Variants in UACA observed in about 807,000 individuals in gnomAD.
The protein encoded by UACA is nuclear membrane binding protein.
In UACA, 112 loss-of-function variants were observed where a neutral mutation model predicts 160.5. That is an observed-to-expected ratio of 0.70 (90% CI 0.60 to 0.82). The LOEUF (loss-of-function observed/expected upper bound fraction) is 0.82, where lower values mean the gene tolerates loss of function less well. UACA is among the 40% of genes least tolerant of loss of function. UACA has a pLI of 0.00. For synonymous variants in UACA, 557 were observed against 568.4 expected (o/e 0.98, Z 0.29); for missense variants, 1,574 against 1,614.6 (o/e 0.97, Z 0.43).
Position 70,676,218 on chromosome 15 carries a change from A to G in UACA, c.1131+275T>C, listed in dbSNP as rs116053902. 1.4e-3 allele frequency: 360 copies of G among 249,402 alleles called. 1 individual carries two copies. Among genetic ancestry groups the G allele is most frequent in the African/African-American group, 7.5e-3 (340 of 45,428 alleles). 15.4% of individuals were successfully genotyped at this position (249,402 alleles called of 1,614,324 possible). A position where few individuals can be genotyped will look rare whatever the true frequency, so the allele number is the denominator to read the frequency against. ...TACAGGTAGAAATATGATGTTTTAA[A>G]AAGGTAAGGATGGACAATGAAGAGA... On this transcript the variant is annotated intron_variant, in intron 13 of 18. Coordinates refer to ENST00000322954, the MANE Select transcript of UACA (RefSeq NM_018003.4).
At chr15:70,746,993 G>A (rs1027852622) in intron 1 of UACA, among the ~76,000 whole-genome samples, 5 of 152,108 alleles carry the variant, frequency 3.3e-5, no homozygotes, top group African/African-American at 1.2e-4. Context: ...GGGGGTGGCA[G>A]GCAAGGGGAA....
At chr15:70,773,789 A>AT in the UACA span, among the ~76,000 whole-genome samples, 1 of 152,290 alleles carries the variant, frequency 6.6e-6, no homozygotes, top group East Asian at 1.9e-4. Flanking sequence ...AATAGCCAAT[A>AT]TTTTTCAGTC....
At chr15:70,745,153 C>A (rs1899663020) in intron 1 of UACA, among the ~76,000 whole-genome samples, 1 of 152,076 alleles carries the variant, frequency 6.6e-6, no homozygotes, top group Non-Finnish European at 1.5e-5. Context: ...ACAAACAGGC[C>A]AGGCGCAGTG....
At position 70,667,618 on chromosome 15, in the gene UACA, T is replaced by G. The variant is rs761172640; in HGVS notation, c.3066A>C (p.Glu1022Asp). ...CATTCTCTTGCTTGTTTTTCTTGAC[T>G]TCTTCTTCACTGACACTATACTTTT... is the stretch of plus-strand genomic sequence containing the variant. ...QTQKYSVSEE[E>D]VKKNKQENDK... Residue 1022 changes from glutamate to aspartate, a missense_variant, in exon 16 of 19, where the codon GAA (glutamate) becomes GAC (aspartate). By Grantham distance (45) the Glu-to-Asp change is conservative. Coordinates refer to ENST00000322954, the MANE Select transcript of UACA (RefSeq NM_018003.4). 3 of 1,612,632 alleles carry G rather than the reference T, an allele frequency of 1.9e-6. No homozygotes were observed. The highest frequency in any genetic ancestry group is 2.5e-6 in the Non-Finnish European group (3 of 1,179,718).
chr15:70,700,945 A>G (rs1898336608), intron 1 of UACA, among the ~76,000 whole-genome samples: 1 of 152,120 alleles, frequency 6.6e-6, no homozygotes, highest in Non-Finnish European at 1.5e-5. Flanking sequence ...ATATAATTTT[A>G]TATCTACTAT....
chr15:70,669,840 T>A (rs1289739765), intron 15 of UACA, among the ~76,000 whole-genome samples: 17 of 152,206 alleles, frequency 1.1e-4, no homozygotes, highest in Admixed American at 1.1e-3. Flanking sequence ...TGGTACATAA[T>A]GTGCTTAGAA....
At chr15:70,659,211 T>A (rs757792701) in intron 18 of UACA, among the ~76,000 whole-genome samples, 13 of 152,114 alleles carry the variant, frequency 8.5e-5, no homozygotes, top group Non-Finnish European at 1.8e-4. Context: ...TTCTATCATA[T>A]CATTCATTCT....
chr15:70,719,847 T>C (rs1566990240), intron 1 of UACA, among the ~76,000 whole-genome samples: 1 of 152,212 alleles, frequency 6.6e-6, no homozygotes, highest in Non-Finnish European at 1.5e-5. Context: ...CAAGAAAAGT[T>C]ACCCTTCCTA....
chr15:70,772,492 CAAAAAAA>C, the UACA span, among the ~76,000 whole-genome samples: 2 of 49,578 alleles, frequency 4.0e-5, no homozygotes, highest in Non-Finnish European at 4.6e-5. Context: ...GCCTCCATCT[CAAAAAAA>C]AAAAAAAAAA....
intron 3 of UACA, among the ~76,000 whole-genome samples, chr15:70,693,918 G>GAT (rs1257389942): frequency 6.6e-6 from 1 of 152,144 alleles, no homozygotes; most frequent in Admixed American, 6.5e-5. Context: ...AAAGGTAGCA[G>GAT]ATAAATTGAA....
intron 2 of UACA, among the ~76,000 whole-genome samples, chr15:70,698,374 T>C (rs1898208093): frequency 6.6e-6 from 1 of 152,190 alleles, no homozygotes. Flanking sequence ...TGAAGAACAA[T>C]ATCACTTTTG....
chr15:70,748,995 C>A (rs974469424), intron 1 of UACA: 1 of 154,834 alleles, frequency 6.5e-6, no homozygotes, highest in African/African-American at 2.4e-5. Flanking sequence ...AAATATCACT[C>A]ATATTGTAGA....
At position 70,666,712 on chromosome 15, in the gene UACA, C is replaced by T. The variant is rs1595869710; in HGVS notation, c.3960+12G>A. 7 of 1,588,422 alleles carry T rather than the reference C, an allele frequency of 4.4e-6. No individual in the cohort carries two copies. Among genetic ancestry groups the T allele is most frequent in the Non-Finnish European group, 6.0e-6 (7 of 1,169,772 alleles). ...TTCCAACACATAGCCGTGCAGACTA[C>T]TTTGTACCTACCTTATTATCTTTTG... is the stretch of plus-strand genomic sequence containing the variant. On this transcript the variant is annotated intron_variant, in intron 16 of 18. Coordinates refer to ENST00000322954, the MANE Select transcript of UACA (RefSeq NM_018003.4).
intron 1 of UACA, among the ~76,000 whole-genome samples, chr15:70,729,174 T>A (rs1595913869): frequency 2.0e-5 from 3 of 152,294 alleles, no homozygotes; most frequent in Admixed American, 2.0e-4. Context: ...AACCCAGCAA[T>A]CCCATTACTG....
chr15:70,665,255 T>C (rs1283598933), intron 16 of UACA, among the ~76,000 whole-genome samples: 1 of 152,170 alleles, frequency 6.6e-6, no homozygotes, highest in Non-Finnish European at 1.5e-5. Flanking sequence ...AAGAGTTGTA[T>C]TATTTAAGAC....
intron 17 of UACA, among the ~76,000 whole-genome samples, chr15:70,663,393 A>G (rs1896788381): frequency 1.3e-5 from 2 of 152,128 alleles, no homozygotes; most frequent in South Asian, 2.1e-4. Context: ...AAATAGGAAC[A>G]CTTTTACACT....
At chr15:70,699,815 T>C (rs1295930648) in intron 1 of UACA, 155 bp from the exon 2 acceptor site, 1 of 741,662 alleles carries the variant, frequency 1.3e-6, no homozygotes, top group African/African-American at 1.8e-5. Context: ...TGTGCTAACT[T>C]CATTAGGAGA....
rs1458175472 is a variant in UACA at position 70,699,608 on chromosome 15, C to T, written c.131G>A (p.Arg44Lys). The T allele has an allele frequency of 6.2e-7, 1 of 1,611,310 alleles. No individual in the cohort carries two copies. Among genetic ancestry groups the T allele is most frequent in the Admixed American group, 1.7e-5 (1 of 59,590 alleles). ...TGAGGTCACTTTTTCTACATCCCCC[C>T]TTTCTGCTGCTTTCATCAATCGGTC... ...YDDRLMKAAERGDVEKVTSIL... is the reference protein window; with the variant it reads ...YDDRLMKAAEKGDVEKVTSIL... The change falls in exon 2 of 19, where the codon AGG (arginine) becomes AAG (lysine). Residue 44 changes from arginine to lysine, a missense_variant. Arg to Lys is a conservative substitution (Grantham distance 26). Coordinates refer to ENST00000322954, the MANE Select transcript of UACA (RefSeq NM_018003.4).
chr15:70,661,502 A>C lies in UACA; in HGVS notation c.4114-1286T>G, dbSNP rs887652623. ...CCAAATCCACAATTTGCCATCCTTA[A>C]TCTGTAGGCCTACAGTGTTAAAAAA... On this transcript the variant is annotated intron_variant, in intron 17 of 18. Transcript: ENST00000322954. 3 of 152,318 alleles carry C rather than the reference A, an allele frequency of 2.0e-5. No homozygotes were observed. The East Asian group carries it at 5.8e-4, about 29-fold the overall frequency. The allele number at this position is 152,318 out of a possible 1,614,324, so 9.4% of individuals were successfully genotyped here.
Sources: allele counts gnomAD v4.1 joint callset (sites outside exome capture counted in the v4.1 genomes callset), GRCh38; gene constraint gnomAD v4.1.1; transcripts MANE v1.5; gene names NCBI Gene and HGNC (gene_info 2026-07-23, HGNC 2026-07-21).